RCAN2: variants seen among roughly 807,000 people sequenced by gnomAD.
RCAN2 encodes regulator of calcineurin 2.
A neutral mutation model predicts 23.6 loss-of-function variants in RCAN2; 9 were observed. That is an observed-to-expected ratio of 0.38 (90% CI 0.23 to 0.67). The LOEUF is 0.67. Ranked by LOEUF, RCAN2 falls within the 30% of genes least tolerant of loss-of-function variation. The pLI is 0.51. For synonymous variants in RCAN2, 109 were observed against 115.7 expected, an observed-to-expected ratio of 0.94 and a Z score of 0.37; for missense variants, 273 against 302.3, an observed-to-expected ratio of 0.90 and a Z score of 0.72.
intron 2 of RCAN2, among the ~76,000 whole-genome samples, chr6:46,274,561 C>T (rs1440752615): frequency 1.3e-5 from 2 of 152,142 alleles, no homozygotes; most frequent in Non-Finnish European, 2.9e-5. Context: ...TTGGTCACAA[C>T]CTTCAAAGGG....
chr6:46,349,045 T>A (rs1312447829), intron 2 of RCAN2, among the ~76,000 whole-genome samples: 1 of 152,172 alleles, frequency 6.6e-6, no homozygotes, highest in Non-Finnish European at 1.5e-5. Context: ...AAGTGAGCCA[T>A]TTTTCCAAAA....
At chr6:46,455,895 A>AG (rs1768011058) in intron 2 of RCAN2, among the ~76,000 whole-genome samples, 1 of 133,908 alleles carries the variant, frequency 7.5e-6, no homozygotes, top group African/African-American at 3.2e-5. Context: ...AAAAAGAAAA[A>AG]GAAAAAAAAA....
intron 2 of RCAN2, among the ~76,000 whole-genome samples, chr6:46,263,543 G>GTGTGTA (rs1561834098): frequency 4.5e-4 from 56 of 124,074 alleles, no homozygotes; most frequent in East Asian, 2.5e-3. Flanking sequence ...GTGTGTATGT[G>GTGTGTA]TGTGTGTGTG....
intron 2 of RCAN2, among the ~76,000 whole-genome samples, chr6:46,274,182 AG>A (rs1399630162): frequency 1.3e-5 from 2 of 152,198 alleles, no homozygotes; most frequent in African/African-American, 4.8e-5. Context: ...ACCTTTGATA[AG>A]GGGAAAGTGT....
chr6:46,415,471 C>T (rs1477112992), intron 2 of RCAN2, among the ~76,000 whole-genome samples: 1 of 152,176 alleles, frequency 6.6e-6, no homozygotes, highest in Non-Finnish European at 1.5e-5. Flanking sequence ...GACCTGTGAG[C>T]ATTCAGGCCT....
At chr6:46,328,576 C>T (rs1409715822) in intron 2 of RCAN2, among the ~76,000 whole-genome samples, 1 of 152,146 alleles carries the variant, frequency 6.6e-6, no homozygotes, top group African/African-American at 2.4e-5. Flanking sequence ...GGAGGCTCTC[C>T]TGTTATAACA....
chr6:46,398,765 A>G (rs9472745), intron 2 of RCAN2, among the ~76,000 whole-genome samples: 1 of 152,160 alleles, frequency 6.6e-6, no homozygotes, highest in African/African-American at 2.4e-5. Flanking sequence ...ACTTGCCCTC[A>G]GCTCTCAGTA....
At chr6:46,453,631 C>A (rs986862035) in intron 2 of RCAN2, among the ~76,000 whole-genome samples, 2 of 152,166 alleles carry the variant, frequency 1.3e-5, no homozygotes, top group Non-Finnish European at 2.9e-5. Flanking sequence ...ACATCCTGTG[C>A]TGTTACCTAT....
chr6:46,355,461 C>T (rs563805840), intron 2 of RCAN2, among the ~76,000 whole-genome samples: 2 of 152,280 alleles, frequency 1.3e-5, no homozygotes, highest in East Asian at 3.9e-4. Flanking sequence ...CAGTGCCAGC[C>T]CTTGACATCT....
At chr6:46,432,065 T>C (rs1248873514) in intron 2 of RCAN2, among the ~76,000 whole-genome samples, 1 of 152,230 alleles carries the variant, frequency 6.6e-6, no homozygotes, top group Non-Finnish European at 1.5e-5. Context: ...ATTTTCCTAC[T>C]AATGAATTAC....
At chr6:46,382,635 C>CATAAA (rs1561882919) in intron 2 of RCAN2, among the ~76,000 whole-genome samples, 1 of 152,102 alleles carries the variant, frequency 6.6e-6, no homozygotes, top group Admixed American at 6.6e-5. Flanking sequence ...AAAAGCGCTC[C>CATAAA]AATGCATAAT....
intron 1 of RCAN2, among the ~76,000 whole-genome samples, chr6:46,460,331 G>A (rs1282702384): frequency 6.6e-6 from 1 of 152,060 alleles, no homozygotes; most frequent in African/African-American, 2.4e-5. Context: ...CAAAGTGCTG[G>A]GATTACAGAT....
chr6:46,335,384 C>A (rs1455076081), intron 2 of RCAN2, among the ~76,000 whole-genome samples: 1 of 152,150 alleles, frequency 6.6e-6, no homozygotes, highest in Non-Finnish European at 1.5e-5. Context: ...CCAACCAATG[C>A]CTCTCTTTTT....
At chr6:46,444,741 C>A (rs956186309) in intron 2 of RCAN2, among the ~76,000 whole-genome samples, 1 of 152,106 alleles carries the variant, frequency 6.6e-6, no homozygotes, top group African/African-American at 2.4e-5. Context: ...TCCAGCAGAC[C>A]CAGGGGCTAG....
At chr6:46,491,572 T>C (rs1162351446), upstream of RCAN2, among the ~76,000 whole-genome samples, 2 of 151,796 alleles carry the variant, frequency 1.3e-5, no homozygotes, top group African/African-American at 4.8e-5. Flanking sequence ...TCTGGCCTCT[T>C]CTCATCTCCT....
chr6:46,410,746 G>C (rs752837081), intron 2 of RCAN2, among the ~76,000 whole-genome samples: 4 of 152,080 alleles, frequency 2.6e-5, no homozygotes, highest in Non-Finnish European at 5.9e-5. Flanking sequence ...TCTTATAACA[G>C]CAAATCTTCT....
rs1214454770 is a variant in RCAN2, at chr6:46,325,515, C to A, written c.226-76619G>T. 6 of 1,612,648 alleles carry A rather than the reference C, an allele frequency of 3.7e-6. No individual in the cohort carries two copies. In the East Asian group the frequency reaches 1.1e-4, roughly 30 times the overall value. On this transcript the variant is annotated intron_variant, in intron 2 of 4. Transcript: ENST00000371374. Reference sequence around the variant, plus strand: ...GAATTTTTAATAAAGAGTTAGGCAACCTCAGAGTTGGGAGTGAAGGGAAGA... The same window carrying A: ...GAATTTTTAATAAAGAGTTAGGCAAACTCAGAGTTGGGAGTGAAGGGAAGA...
At position 46,221,237 on chromosome 6, in the gene RCAN2, C is replaced by T. The variant is rs981483056; in HGVS notation, c.*1904G>A. The T allele has an allele frequency of 2.6e-5, 4 of 152,494 alleles. No homozygotes were observed. Among genetic ancestry groups the T allele is most frequent in the African/African-American group, 9.7e-5 (4 of 41,432 alleles). The allele number at this position is 152,494 out of a possible 1,614,324, so 9.4% of individuals were successfully genotyped here. ...TCTCTCATCTAGATTTCTTTAGAAC[C>T]TGCATTCTGGAAATTCAGGGTAGCT... On this transcript the variant is annotated 3_prime_UTR_variant, in exon 5 of 5. Coordinates refer to ENST00000371374, the MANE Select transcript of RCAN2 (RefSeq NM_001251974.2).
intron 2 of RCAN2, among the ~76,000 whole-genome samples, chr6:46,451,272 G>T (rs559065512): frequency 1.3e-5 from 2 of 152,104 alleles, no homozygotes; most frequent in African/African-American, 4.8e-5. Context: ...TGAATTGGGG[G>T]ATTTGGATGT....
Sources: gnomAD v4.1 joint callset for allele counts (sites outside exome capture counted in the v4.1 genomes callset) on GRCh38, gnomAD v4.1.1 for gene constraint, MANE v1.5 for transcripts, NCBI Gene and HGNC (gene_info 2026-07-23, HGNC 2026-07-21) for gene names.